BTRC: variants seen among roughly 807,000 people sequenced by gnomAD.
The protein encoded by BTRC is beta-transducin repeat containing E3 ubiquitin protein ligase.
A neutral mutation model predicts 85.5 loss-of-function variants in BTRC; 42 were observed. That is an observed-to-expected ratio of 0.49 (90% confidence interval 0.38 to 0.64). The LOEUF (loss-of-function observed/expected upper bound fraction) is 0.64, where lower values mean the gene tolerates loss of function less well. Among genes scored for constraint, BTRC ranks in the 30% least tolerant of loss-of-function variants. The probability of loss-of-function intolerance (pLI) is 0.00; values close to 1 mark genes in which losing one functional copy is unlikely to be tolerated. For missense variants in BTRC, 594 were observed against 743.5 expected (o/e 0.80, Z 2.34); for synonymous variants, 255 against 263.3 (o/e 0.97, Z 0.30).
chr10:101,485,910 T>G (rs1003535015), intron 4 of BTRC, among the ~76,000 whole-genome samples: 7 of 152,224 alleles, frequency 4.6e-5, no homozygotes, highest in African/African-American at 1.2e-4. Flanking sequence ...TGCCTGCTGA[T>G]GCATGTCGGA....
At chr10:101,456,852 C>G (rs1945096005) in intron 2 of BTRC, among the ~76,000 whole-genome samples, 2 of 152,116 alleles carry the variant, frequency 1.3e-5, no homozygotes, top group African/African-American at 4.8e-5. Flanking sequence ...TAAAAGGTAA[C>G]AAGTTGTGCA....
intron 3 of BTRC, among the ~76,000 whole-genome samples, chr10:101,463,484 A>G (rs1395001191): frequency 1.3e-5 from 2 of 152,196 alleles, no homozygotes; most frequent in Non-Finnish European, 2.9e-5. Context: ...CTGGCCCTGT[A>G]TTCATTTTTA....
At chr10:101,497,897 G>A (rs983879072) in intron 4 of BTRC, among the ~76,000 whole-genome samples, 3 of 151,954 alleles carry the variant, frequency 2.0e-5, no homozygotes, top group African/African-American at 4.8e-5. Flanking sequence ...GCACGTGCCT[G>A]TAGTCCAAGC....
At chr10:101,430,514 A>G (rs1944374680) in intron 2 of BTRC, 62 bp downstream of exon 2, 5 of 1,307,116 alleles carry the variant, frequency 3.8e-6, no homozygotes, top group South Asian at 2.5e-5. Context: ...ATTCATTAGT[A>G]TGTGCCTCCT....
intron 4 of BTRC, among the ~76,000 whole-genome samples, chr10:101,487,991 C>G (rs1383917529): frequency 6.6e-6 from 1 of 152,168 alleles, no homozygotes; most frequent in Non-Finnish European, 1.5e-5. Flanking sequence ...TATTAATAAT[C>G]TATAGACTGT....
chr10:101,427,295 T>C (rs1473334038), intron 1 of BTRC, among the ~76,000 whole-genome samples: 1 of 151,686 alleles, frequency 6.6e-6, no homozygotes. Context: ...TTTTTGTATT[T>C]TTAGTAGAGA....
At chr10:101,429,682 C>T (rs905212228) in intron 1 of BTRC, among the ~76,000 whole-genome samples, 14 of 148,856 alleles carry the variant, frequency 9.4e-5, no homozygotes, top group Middle Eastern at 3.2e-3. Context: ...TTCTTCCCCT[C>T]GCCTTATACC....
At chr10:101,403,089 CTT>C (rs1246247494) in intron 1 of BTRC, among the ~76,000 whole-genome samples, 1 of 152,076 alleles carries the variant, frequency 6.6e-6, no homozygotes, top group Non-Finnish European at 1.5e-5. Flanking sequence ...TTTTTAAAGA[CTT>C]AAATTAAAAT....
rs780096059 is a variant in BTRC at position 101,362,733 on chromosome 10, C to T, written c.48+8505C>T. ...TGTGTTTTGTTAATACAGTCAGCCA[C>T]GAATAGCTAACAGCTAACAGCTGGT... On this transcript the variant is annotated intron_variant, in intron 1 of 14. Coordinates refer to ENST00000370187, the MANE Select transcript of BTRC (RefSeq NM_033637.4). Among the ~76,000 whole-genome samples the T allele has an allele frequency of 1.2e-4, 18 of 152,196 alleles. No homozygotes were observed. The South Asian group carries it at 1.2e-3, about 11-fold the overall frequency.
intron 3 of BTRC, among the ~76,000 whole-genome samples, chr10:101,476,913 C>T (rs1042262012): frequency 6.6e-6 from 1 of 152,132 alleles, no homozygotes; most frequent in Admixed American, 6.5e-5. Flanking sequence ...GCAGCACTAA[C>T]GTCAACTGGG....
chr10:101,405,017 A>T (rs1045682216), intron 1 of BTRC, among the ~76,000 whole-genome samples: 13 of 140,492 alleles, frequency 9.3e-5, no homozygotes, highest in African/African-American at 3.0e-4. Flanking sequence ...AAAAAAAAAA[A>T]AGTCTATGCC....
At chr10:101,417,120 A>G (rs1371817140) in intron 1 of BTRC, among the ~76,000 whole-genome samples, 1 of 152,152 alleles carries the variant, frequency 6.6e-6, no homozygotes, top group African/African-American at 2.4e-5. Flanking sequence ...ATAACCCAAT[A>G]ACAACCATCA....
At chr10:101,527,057 C>T (rs1035731847) in intron 6 of BTRC, among the ~76,000 whole-genome samples, 2 of 152,028 alleles carry the variant, frequency 1.3e-5, no homozygotes, top group African/African-American at 2.4e-5. Flanking sequence ...AGGAAAGCTA[C>T]GTAGTAATAG....
chr10:101,535,333 C>G (rs1479477259), intron 10 of BTRC, 21 bp from the exon 11 acceptor site: 1 of 1,579,818 alleles, frequency 6.3e-7, no homozygotes, highest in Non-Finnish European at 8.7e-7. Context: ...ATCAACTGCT[C>G]AATGCCATTT....
chr10:101,410,836 A>G (rs1336939975), intron 1 of BTRC, among the ~76,000 whole-genome samples: 2 of 151,968 alleles, frequency 1.3e-5, no homozygotes, highest in African/African-American at 4.8e-5. Flanking sequence ...CTGTATTTTC[A>G]GTTTTCTACA....
intron 9 of BTRC, 70 bp from the exon 10 acceptor site, chr10:101,534,591 C>CGCATGA: frequency 6.3e-7 from 1 of 1,580,700 alleles, no homozygotes; most frequent in South Asian, 1.1e-5. Flanking sequence ...GGTGGAAGGG[C>CGCATGA]GCATGATGGT....
Position 101,521,710 on chromosome 10 carries a change from G to A in BTRC, c.396G>A (p.Lys132=). ...KQRKLSASYE[K]EKELCVKYFE... ...GGAAACTCTCAGCAAGCTATGAAAA[G>A]GAAAAGGAACTGTGTGTCAAATACT... Residue 132 remains lysine, a synonymous_variant, in exon 5 of 15, where the codon AAG becomes AAA. Transcript: ENST00000370187. The A allele has an allele frequency of 6.2e-7, 1 of 1,614,146 alleles. No individual in the cohort carries two copies. The highest frequency in any genetic ancestry group is 8.5e-7 in the Non-Finnish European group (1 of 1,180,014).
intron 7 of BTRC, among the ~76,000 whole-genome samples, chr10:101,531,841 TAA>T (rs1410196113): frequency 1.3e-5 from 2 of 152,194 alleles, no homozygotes; most frequent in Non-Finnish European, 2.9e-5. Flanking sequence ...ATGAGAGAGT[TAA>T]AGAGATTGAT....
At position 101,532,981 on chromosome 10, in the gene BTRC, G is replaced by A. The variant is rs747139815; in HGVS notation, c.1008G>A (p.Lys336=). 11 of 1,612,970 alleles carry A rather than the reference G, an allele frequency of 6.8e-6. No individual in the cohort carries two copies. In the South Asian group the frequency reaches 1.2e-4, roughly 18 times the overall value. The change falls in exon 9 of 15, where the codon AAG becomes AAA. Residue 336 remains lysine (K), a synonymous_variant. Coordinates refer to ENST00000370187, the MANE Select transcript of BTRC (RefSeq NM_033637.4). ...GGGATAAAAACACATTGGAATGCAA[G>A]CGAATTCTCACAGGCCATACAGGTT... ...KIWDKNTLEC[K]RILTGHTGSV...
Sources: allele counts gnomAD v4.1 joint callset (sites outside exome capture counted in the v4.1 genomes callset), GRCh38; gene constraint gnomAD v4.1.1; transcripts MANE v1.5; gene names NCBI Gene and HGNC (gene_info 2026-07-23, HGNC 2026-07-21).